Variants in RPTOR observed in about 807,000 individuals in gnomAD.
The protein encoded by RPTOR is regulatory associated protein of MTOR complex 1.
In RPTOR, 21 loss-of-function variants were observed where a neutral mutation model predicts 169.9. The observed-to-expected ratio is 0.12, with a 90% CI of 0.09 to 0.18. RPTOR has a LOEUF of 0.18. Ranked by LOEUF, RPTOR falls within the 10% of genes least tolerant of loss-of-function variation. The probability of loss-of-function intolerance (pLI) is 1.00; values close to 1 mark genes in which losing one functional copy is unlikely to be tolerated. For synonymous variants in RPTOR, 732 were observed against 753.2 expected (o/e 0.97, Z 0.46); for missense variants, 1,133 against 1,855.9 (o/e 0.61, Z 7.16).
chr17:80,810,564 T>TTTTTGTTTTG (rs56792591), intron 7 of RPTOR, among the ~76,000 whole-genome samples: 1 of 151,700 alleles, frequency 6.6e-6, no homozygotes, highest in African/African-American at 2.4e-5. Flanking sequence ...TAAGTCTCTG[T>TTTTTGTTTTG]TTTTGTTTTG....
intron 24 of RPTOR, among the ~76,000 whole-genome samples, chr17:80,933,764 T>C (rs992535199): frequency 3.3e-5 from 5 of 152,270 alleles, no homozygotes; most frequent in Non-Finnish European, 7.3e-5. Context: ...AGCAGACATA[T>C]AGGTCAATGG....
intron 21 of RPTOR, among the ~76,000 whole-genome samples, chr17:80,918,246 C>T (rs920295348): frequency 3.3e-5 from 5 of 152,314 alleles, no homozygotes; most frequent in Admixed American, 3.3e-4. Flanking sequence ...GCCCGTGGGC[C>T]CCTGCCCAGC....
intron 4 of RPTOR, among the ~76,000 whole-genome samples, chr17:80,722,494 G>A (rs61107058): frequency 0.2 from 29,788 of 150,664 alleles, 3,502 homozygotes; most frequent in East Asian, 0.32. Flanking sequence ...ATGAGCTGAG[G>A]CAGCCGGAGA....
intron 5 of RPTOR, among the ~76,000 whole-genome samples, chr17:80,741,835 G>A (rs1200624547): frequency 6.6e-6 from 1 of 152,134 alleles, no homozygotes; most frequent in Non-Finnish European, 1.5e-5. Flanking sequence ...GCCTGCGTTC[G>A]GTGGTGTGTG....
intron 5 of RPTOR, among the ~76,000 whole-genome samples, chr17:80,731,042 C>CTAATTTTTG (rs1322202859): frequency 1.7e-4 from 26 of 152,188 alleles, no homozygotes; most frequent in African/African-American, 6.0e-4. Flanking sequence ...CCATGCCTAG[C>CTAATTTTTG]TAATTTTTGT....
rs1396345185 is a variant in RPTOR at position 80,634,684 on chromosome 17, G to A, written c.265+8891G>A. Reference sequence around the variant, plus strand: ...CTGTGTGTGTGCGTACTGTGTGTGCGTACTGTGTGCGTGTGCGTACTGTGT... The same window carrying A: ...CTGTGTGTGTGCGTACTGTGTGTGCATACTGTGTGCGTGTGCGTACTGTGT... On this transcript the variant is annotated intron_variant, in intron 2 of 33. Coordinates refer to ENST00000306801, the MANE Select transcript of RPTOR (RefSeq NM_020761.3). Among the ~76,000 whole-genome samples, 63 of 111,788 alleles carry A rather than the reference G, an allele frequency of 5.6e-4. 2 individuals are homozygous for A. Among genetic ancestry groups the A allele is most frequent in the African/African-American group, 8.9e-4 (27 of 30,208 alleles). The allele number at this position is 111,788 out of a possible 152,430, so 73.3% of individuals were successfully genotyped here.
At chr17:80,857,741 C>T (rs188944460) in intron 12 of RPTOR, 49 bp from the exon 13 acceptor site, 7 of 1,407,976 alleles carry the variant, frequency 5.0e-6, no homozygotes, top group East Asian at 2.3e-5. Flanking sequence ...TGCTGCTGCC[C>T]GTTCCCTTGC....
chr17:80,619,963 G>C (rs1345884631), intron 1 of RPTOR, among the ~76,000 whole-genome samples: 3 of 152,104 alleles, frequency 2.0e-5, no homozygotes, highest in Admixed American at 2.0e-4. Context: ...CTTTGAGCCG[G>C]GGCACAGGAT....
chr17:80,708,353 G>A lies in RPTOR; in HGVS notation c.507+354G>A, dbSNP rs948644757. Among the ~76,000 whole-genome samples, 1 of 152,222 alleles carries A rather than the reference G, an allele frequency of 6.6e-6. No homozygotes were observed. Among genetic ancestry groups the A allele is most frequent in the African/African-American group, 2.4e-5 (1 of 41,442 alleles). ...CAATTTCGTTAGAATCTTTCTTTAA[G>A]CATCGGTGATTTTCTTAGAAAATAA... On this transcript the variant is annotated intron_variant, in intron 4 of 33. Coordinates refer to ENST00000306801, the MANE Select transcript of RPTOR (RefSeq NM_020761.3). This position sits in a 1 kb window ranked among gnomAD's most constrained non-coding sequence, Gnocchi z 4.2.
intron 1 of RPTOR, among the ~76,000 whole-genome samples, chr17:80,572,249 C>A (rs1163753569): frequency 1.3e-5 from 2 of 152,124 alleles, no homozygotes; most frequent in African/African-American, 2.4e-5. Context: ...AGGCAGGTGC[C>A]ATCATGCCTG....
intron 9 of RPTOR, among the ~76,000 whole-genome samples, chr17:80,833,115 C>T (rs939141048): frequency 3.9e-4 from 12 of 31,002 alleles, no homozygotes; most frequent in African/African-American, 8.7e-4. Flanking sequence ...CCGGGGCGGG[C>T]GCGCTCTGAC....
chr17:80,643,023 AAATG>A (rs1303545565), intron 2 of RPTOR, among the ~76,000 whole-genome samples: 3 of 152,246 alleles, frequency 2.0e-5, no homozygotes, highest in Admixed American at 6.5e-5. Context: ...ATTGTTTTTA[AAATG>A]AATGAAGAAA....
intron 20 of RPTOR, among the ~76,000 whole-genome samples, chr17:80,904,470 A>G (rs2068516153): frequency 6.6e-6 from 1 of 152,162 alleles, no homozygotes. Context: ...GCTCTGAGTA[A>G]ATTTCCCCGC....
At chr17:80,842,067 C>T (rs2067676606) in intron 10 of RPTOR, among the ~76,000 whole-genome samples, 1 of 152,186 alleles carries the variant, frequency 6.6e-6, no homozygotes, top group Non-Finnish European at 1.5e-5. Context: ...CACGGCGCTG[C>T]AGCTCACATT....
Position 80,729,626 on chromosome 17 carries a change from A to G in RPTOR, c.508-934A>G, listed in dbSNP as rs150767573. ...CCAAACCCACTTATACCCCTTAAGT[A>G]TGATCTTTCAAAAGTCATCTCAATG... On this transcript the variant is annotated intron_variant, in intron 4 of 33. Coordinates refer to ENST00000306801, the MANE Select transcript of RPTOR (RefSeq NM_020761.3). Among the ~76,000 whole-genome samples, 1,174 of 152,352 alleles carry G rather than the reference A, an allele frequency of 7.7e-3. 14 individuals are homozygous for G. Among genetic ancestry groups the G allele is most frequent in the African/African-American group, 0.026 (1,083 of 41,580 alleles).
chr17:80,656,671 T>A (rs1269973103), intron 3 of RPTOR, among the ~76,000 whole-genome samples: 1 of 152,232 alleles, frequency 6.6e-6, no homozygotes, highest in African/African-American at 2.4e-5. Context: ...TTGGGACTTT[T>A]GCCTTTGGGT....
At chr17:80,744,065 TAGCACTGTCCTGGTTACG>T (rs1567888055) in intron 5 of RPTOR, among the ~76,000 whole-genome samples, 24 of 108,870 alleles carry the variant, frequency 2.2e-4, no homozygotes, top group African/African-American at 3.4e-4. Context: ...CCCTGGCTAC[TAGCACTGTCCTGGTTACG>T]AGCACAGCCC....
rs2066158957 is a variant in RPTOR at position 80,708,572 on chromosome 17, G to A, written c.507+573G>A. Among the ~76,000 whole-genome samples, 1 of 151,116 alleles carries A rather than the reference G, an allele frequency of 6.6e-6. No homozygotes were observed. The highest frequency in any genetic ancestry group is 2.5e-5 in the African/African-American group (1 of 40,710). ...CTGTCATCCCCATCCTCCAGGGTGTGGTGGGTGCTGACTGTTGTCCCCACC... is the reference window on the plus strand; with the variant it reads ...CTGTCATCCCCATCCTCCAGGGTGTAGTGGGTGCTGACTGTTGTCCCCACC... On this transcript the variant is annotated intron_variant, in intron 4 of 33. Transcript: ENST00000306801. This position sits in a 1 kb window ranked among gnomAD's most constrained non-coding sequence, Gnocchi z 4.2.
intron 1 of RPTOR, among the ~76,000 whole-genome samples, chr17:80,615,317 G>C (rs2065301344): frequency 6.6e-6 from 1 of 152,142 alleles, no homozygotes; most frequent in African/African-American, 2.4e-5. Context: ...TGGAACGGGG[G>C]CCTCGAGTCT....
Sources: gnomAD v4.1 joint callset for allele counts (sites outside exome capture counted in the v4.1 genomes callset) on GRCh38, gnomAD v4.1.1 for gene constraint, Gnocchi (gnomAD v3.1) non-coding constraint, MANE v1.5 for transcripts, NCBI Gene and HGNC (gene_info 2026-07-23, HGNC 2026-07-21) for gene names.